KLHL1: variants seen among roughly 807,000 people sequenced by gnomAD.
The protein encoded by KLHL1 is kelch-like protein 1.
In KLHL1, 47 loss-of-function variants were observed where a neutral mutation model predicts 77.7. The observed-to-expected ratio is 0.60, with a 90% CI of 0.48 to 0.77. The LOEUF is 0.77. Among genes scored for constraint, KLHL1 ranks in the 30% least tolerant of loss-of-function variants. The probability of loss-of-function intolerance (pLI) is 0.00; values close to 1 mark genes in which losing one functional copy is unlikely to be tolerated. For missense variants in KLHL1, 925 were observed against 910.8 expected (o/e 1.02, Z -0.20); for synonymous variants, 360 against 325.2 (o/e 1.11, Z -1.15).
chr13:70,004,588 ATAT>A (rs1885365220), intron 1 of KLHL1, among the ~76,000 whole-genome samples: 1 of 151,914 alleles, frequency 6.6e-6, no homozygotes, highest in African/African-American at 2.4e-5. Flanking sequence ...TATAAATGTA[ATAT>A]TATCAGTATA....
chr13:69,929,619 A>G (rs1374774984), intron 4 of KLHL1, among the ~76,000 whole-genome samples: 3 of 151,804 alleles, frequency 2.0e-5, no homozygotes, highest in African/African-American at 7.2e-5. Flanking sequence ...TATTATTTTA[A>G]AATTGAACTT....
At chr13:69,983,235 G>T (rs1164110603) in intron 1 of KLHL1, among the ~76,000 whole-genome samples, 1 of 152,038 alleles carries the variant, frequency 6.6e-6, no homozygotes, top group Non-Finnish European at 1.5e-5. Flanking sequence ...TATGTTCATT[G>T]GTTGGAATAA....
At chr13:69,842,027 CA>C (rs909004696) in intron 5 of KLHL1, among the ~76,000 whole-genome samples, 1 of 151,814 alleles carries the variant, frequency 6.6e-6, no homozygotes, top group African/African-American at 2.4e-5. Flanking sequence ...TCACCATATA[CA>C]AAAATCAACC....
intron 1 of KLHL1, among the ~76,000 whole-genome samples, chr13:70,090,601 G>A (rs1044178581): frequency 1.3e-5 from 2 of 151,948 alleles, no homozygotes; most frequent in Non-Finnish European, 2.9e-5. Context: ...CTTTTCTCAC[G>A]ATGATATAGG....
At chr13:69,794,914 T>C (rs1877036672) in intron 7 of KLHL1, among the ~76,000 whole-genome samples, 1 of 152,184 alleles carries the variant, frequency 6.6e-6, no homozygotes, top group Non-Finnish European at 1.5e-5. Context: ...GATTAAGGAA[T>C]ATCAACATCT....
At chr13:70,006,853 T>C (rs971344326) in intron 1 of KLHL1, among the ~76,000 whole-genome samples, 6 of 152,092 alleles carry the variant, frequency 3.9e-5, no homozygotes, top group African/African-American at 1.2e-4. Context: ...AAAGAATATA[T>C]GTTTTCTTAA....
At chr13:69,911,822 A>G (rs1036905380) in intron 4 of KLHL1, among the ~76,000 whole-genome samples, 2 of 152,138 alleles carry the variant, frequency 1.3e-5, no homozygotes, top group Non-Finnish European at 2.9e-5. Context: ...CAATTCTACA[A>G]AATCTCCCAA....
chr13:69,728,931 ATATT>A (rs1873421396), intron 8 of KLHL1, among the ~76,000 whole-genome samples: 4 of 152,146 alleles, frequency 2.6e-5, no homozygotes, highest in Admixed American at 2.0e-4. Context: ...GTGGTACTAC[ATATT>A]TATTAAAATT....
At chr13:69,753,698 A>G (rs1874582844) in intron 7 of KLHL1, among the ~76,000 whole-genome samples, 1 of 152,164 alleles carries the variant, frequency 6.6e-6, no homozygotes, top group African/African-American at 2.4e-5. Context: ...GTGTAATGTT[A>G]ATGTCTAGGC....
In KLHL1 at chr13:70,107,733, C is replaced by T; in HGVS notation, c.-34G>A. 1 of 1,480,804 alleles carries T rather than the reference C, an allele frequency of 6.8e-7. No homozygotes were observed. The highest frequency in any genetic ancestry group is 9.0e-7 in the Non-Finnish European group (1 of 1,116,882). The allele number at this position is 1,480,804 out of a possible 1,614,324, so 91.7% of individuals were successfully genotyped here. On this transcript the variant is annotated 5_prime_UTR_variant, in exon 1 of 11. Coordinates refer to ENST00000377844, the MANE Select transcript of KLHL1 (RefSeq NM_020866.3). ...CACAGAAGGCAAAAGGCTGGCAGCT[C>T]ACGCAGGAGTAGGCTGGTCAGCAGG...
At chr13:70,009,577 T>C (rs1472416361) in intron 1 of KLHL1, among the ~76,000 whole-genome samples, 1 of 152,106 alleles carries the variant, frequency 6.6e-6, no homozygotes, top group Non-Finnish European at 1.5e-5. Context: ...GGCTTCTTTG[T>C]TATTGGGTAG....
intron 1 of KLHL1, among the ~76,000 whole-genome samples, chr13:70,079,054 G>A (rs1013185253): frequency 1.3e-5 from 2 of 152,106 alleles, no homozygotes; most frequent in African/African-American, 2.4e-5. Context: ...ATTAAACATG[G>A]AGTGCTTCAG....
Position 70,107,398 on chromosome 13 carries a change from G to C in KLHL1, c.302C>G (p.Thr101Arg), listed in dbSNP as rs374390867. The C allele has an allele frequency of 4.3e-6, 7 of 1,613,570 alleles. No individual in the cohort carries two copies. In the Middle Eastern group the frequency reaches 4.9e-4, roughly 114 times the overall value. ...CCCAGGAGCCCCTTGCTGCAGCCTC[G>C]TGGCAACTGGAAGCAGGGTGCCATT... ...PLNGTLLPVA[T>R]RLQQGAPGQG... The change falls in exon 1 of 11, where the codon ACG (threonine) becomes AGG (arginine). Residue 101 changes from threonine to arginine, a missense_variant. Thr to Arg is a moderately conservative substitution (Grantham distance 71). Transcript: ENST00000377844.
At chr13:69,785,767 A>G (rs1186703136) in intron 7 of KLHL1, among the ~76,000 whole-genome samples, 1 of 152,174 alleles carries the variant, frequency 6.6e-6, no homozygotes. Flanking sequence ...TAGCAAGACT[A>G]ATAAAGAAGA....
chr13:70,016,436 T>C (rs775787068), intron 1 of KLHL1, among the ~76,000 whole-genome samples: 6 of 152,176 alleles, frequency 3.9e-5, no homozygotes, highest in African/African-American at 9.7e-5. Context: ...CCCCGTAGGC[T>C]CGTAAGTGCC....
At chr13:69,755,303 T>C (rs2137955399) in intron 7 of KLHL1, among the ~76,000 whole-genome samples, 1 of 151,938 alleles carries the variant, frequency 6.6e-6, no homozygotes, top group Non-Finnish European at 1.5e-5. Flanking sequence ...GAAGCTGGTG[T>C]ATCACGTGAC....
chr13:69,751,112 A>ATGTGTGTGTGTGTG (rs56689981), intron 7 of KLHL1, among the ~76,000 whole-genome samples: 41 of 141,172 alleles, frequency 2.9e-4, no homozygotes, highest in African/African-American at 1.0e-3. Flanking sequence ...TCATGTGTGT[A>ATGTGTGTGTGTGTG]TGTGTGTGTG....
At chr13:69,956,017 G>GATATATATTT (rs1205620033) in intron 3 of KLHL1, among the ~76,000 whole-genome samples, 1 of 86,392 alleles carries the variant, frequency 1.2e-5, no homozygotes, top group Non-Finnish European at 2.3e-5. Context: ...ATATATATTT[G>GATATATATTT]ATATATATTT....
chr13:70,095,840 C>A lies in KLHL1; in HGVS notation c.497+11363G>T, dbSNP rs1353335287. Among the ~76,000 whole-genome samples the A allele has an allele frequency of 2.0e-5, 3 of 151,876 alleles. No individual in the cohort carries two copies. The East Asian group carries it at 5.8e-4, about 29-fold the overall frequency. On this transcript the variant is annotated intron_variant, in intron 1 of 10. Transcript: ENST00000377844. ...TCCCTTCTCCCTCCACCCCCCCCAC[C>A]ACACTCGCTAATACTCTTTCCAGAT...
Sources: allele counts gnomAD v4.1 joint callset (sites outside exome capture counted in the v4.1 genomes callset), GRCh38; gene constraint gnomAD v4.1.1; transcripts MANE v1.5; gene names NCBI Gene and HGNC (gene_info 2026-07-23, HGNC 2026-07-21).